The following MEI1 variants were observed in gnomAD, a reference collection of about 807,000 sequenced individuals.
MEI1 encodes the protein meiosis inhibitor protein 1.
In MEI1, 103 loss-of-function variants were observed where a neutral mutation model predicts 146.2. The ratio of observed to expected loss-of-function variants is 0.70; its 90% CI spans 0.60 to 0.83. The LOEUF (loss-of-function observed/expected upper bound fraction) is 0.83. Among genes scored for constraint, MEI1 ranks in the 40% least tolerant of loss-of-function variants. The pLI, the probability that MEI1 is intolerant of heterozygous loss-of-function variation, is 0.00. For missense variants in MEI1, 1,529 were observed against 1,533.0 expected, an observed-to-expected ratio of 1.00 and a Z score of 0.04; for synonymous variants, 652 against 628.2, an observed-to-expected ratio of 1.04 and a Z score of -0.57.
At chr22:41,742,044 G>T (rs1434408974) in intron 11 of MEI1, among the ~76,000 whole-genome samples, 2 of 151,532 alleles carry the variant, frequency 1.3e-5, no homozygotes, top group African/African-American at 4.9e-5. Context: ...TGGATAACTT[G>T]AGGTCAGGAG....
At chr22:41,705,789 C>G (rs1300009327) in intron 3 of MEI1, among the ~76,000 whole-genome samples, 1 of 150,284 alleles carries the variant, frequency 6.7e-6, no homozygotes, top group Non-Finnish European at 1.5e-5. Flanking sequence ...CTCACTGCAA[C>G]CTCTGCCTCG....
rs139196319 is a variant in MEI1, at chr22:41,784,454, C to T, written c.3169+34C>T. 833 of 1,611,194 alleles carry T rather than the reference C, an allele frequency of 5.2e-4. 1 individual carries two copies. In the African/African-American group the frequency reaches 5.3e-3, roughly 10 times the overall value. The stretch of plus-strand genomic sequence containing the variant: ...CCACAAGTCTCCAGCAGAAGAAAAG[C>T]TTTTTCCCTAGGTTTTCAGATAAGA... On this transcript the variant is annotated intron_variant, in intron 25 of 30. Coordinates refer to ENST00000401548, the MANE Select transcript of MEI1 (RefSeq NM_152513.4).
At chr22:41,716,203 C>A in intron 5 of MEI1, 57 bp downstream of exon 5, 3 of 1,209,562 alleles carry the variant, frequency 2.5e-6, no homozygotes, top group Non-Finnish European at 3.6e-6. Context: ...TATCATACTG[C>A]CATTTGGGTG....
chr22:41,740,245 C>T (rs1055587983), intron 11 of MEI1, among the ~76,000 whole-genome samples: 19 of 152,176 alleles, frequency 1.2e-4, no homozygotes, highest in Non-Finnish European at 2.4e-4. Flanking sequence ...GTATCGAATT[C>T]CTGACCTTGT....
At position 41,770,732 on chromosome 22, in the gene MEI1, T is replaced by C; in HGVS notation, c.2315T>C (p.Leu772Pro). The C allele has an allele frequency of 6.2e-7, 1 of 1,613,936 alleles. No individual in the cohort carries two copies. Among genetic ancestry groups the C allele is most frequent in the South Asian group, 1.1e-5 (1 of 91,064 alleles). ...AAATTCCTAGAAGGCATCCCAGACC[T>C]GCAGCTAGTCTATACTCACCATCCG... ...IRKFLEGIPD[L>P]QLVYTHHPLL... Residue 772 changes from leucine to proline, a missense_variant, in exon 20 of 31, where the codon CTG becomes CCG. Around this residue, in one of 3 missense-constraint regions of MEI1, gnomAD observed 1,212 missense variants for 1,178.9 expected, o/e 1.03. Transcript: ENST00000401548.
intron 15 of MEI1, among the ~76,000 whole-genome samples, chr22:41,749,362 G>A (rs1007044496): frequency 3.3e-5 from 5 of 151,566 alleles, no homozygotes; most frequent in Admixed American, 1.3e-4. Flanking sequence ...CGCAACCTCC[G>A]CCTCCCGGGT....
chr22:41,747,925 T>C (rs2073450975), intron 14 of MEI1, among the ~76,000 whole-genome samples, 182 bp from the exon 15 acceptor site: 1 of 152,180 alleles, frequency 6.6e-6, no homozygotes, highest in Admixed American at 6.6e-5. Flanking sequence ...AGAGATAAAG[T>C]ATCTAGTACA....
chr22:41,784,348 A>G lies in MEI1; in HGVS notation c.3097A>G (p.Thr1033Ala). 6.2e-7 allele frequency: 1 copy of G among 1,613,796 alleles called. No homozygotes were observed. Among genetic ancestry groups the G allele is most frequent in the Non-Finnish European group, 8.5e-7 (1 of 1,179,864 alleles). Residue 1033 changes from threonine to alanine, a missense_variant, in exon 25 of 31, where the codon ACA becomes GCA. Physicochemically the swap from Thr to Ala is moderately conservative, Grantham distance 58 (BLOSUM62 0). Around this residue, in one of 3 missense-constraint regions of MEI1, gnomAD observed 313 missense variants for 337.3 expected, o/e 0.93. Transcript: ENST00000401548. ...QHKGSLQVHQTLSVEMDQVLK... is the reference protein window; with the variant it reads ...QHKGSLQVHQALSVEMDQVLK... Reference sequence around the variant, plus strand: ...CCCTGTGCCCTGCCAGGTTCACCAGACACTCTCTGTGGAAATGGACCAAGT... The same window carrying G: ...CCCTGTGCCCTGCCAGGTTCACCAGGCACTCTCTGTGGAAATGGACCAAGT...
intron 11 of MEI1, among the ~76,000 whole-genome samples, chr22:41,742,101 AG>A (rs2072925695): frequency 6.6e-6 from 1 of 151,604 alleles, no homozygotes; most frequent in Non-Finnish European, 1.5e-5. Flanking sequence ...CTCTACTAAA[AG>A]TACAAAACTT....
At chr22:41,755,307 G>C (rs1006466966) in intron 17 of MEI1, among the ~76,000 whole-genome samples, 1 of 152,022 alleles carries the variant, frequency 6.6e-6, no homozygotes, top group African/African-American at 2.4e-5. Context: ...TGAAGATTCT[G>C]TGTCCTCTCC....
chr22:41,732,789 T>C (rs1021450841), intron 11 of MEI1, among the ~76,000 whole-genome samples, 186 bp downstream of exon 11: 3 of 151,580 alleles, frequency 2.0e-5, no homozygotes, highest in South Asian at 2.1e-4. Flanking sequence ...TTTTTTTTTT[T>C]TTTTTTTGGA....
At chr22:41,700,354 G>A (rs544084352) in intron 1 of MEI1, among the ~76,000 whole-genome samples, 2 of 152,166 alleles carry the variant, frequency 1.3e-5, no homozygotes, top group African/African-American at 2.4e-5. Flanking sequence ...GTTTCGAGAC[G>A]GAGTCTCGCT....
Position 41,732,516 on chromosome 22 carries a change from A to G in MEI1, c.1244A>G (p.Asp415Gly). Residue 415 changes from aspartate (D) to glycine (G), a missense_variant, in exon 11 of 31, where the codon GAT becomes GGT. By Grantham distance (94) the Asp-to-Gly change is moderately conservative. Transcript: ENST00000401548. ...TTCACAAGCTCAGCCATGTGCAGAGATGCTGGCCGTGCCCTCCAAGAAGCA... is the reference window on the plus strand; with the variant it reads ...TTCACAAGCTCAGCCATGTGCAGAGGTGCTGGCCGTGCCCTCCAAGAAGCA... ...KLFTSSAMCRDAGRALQEAVS... is the reference protein window; with the variant it reads ...KLFTSSAMCRGAGRALQEAVS... 1 of 1,613,880 alleles carries G rather than the reference A, an allele frequency of 6.2e-7. No homozygotes were observed. The highest frequency in any genetic ancestry group is 8.5e-7 in the Non-Finnish European group (1 of 1,179,866).
At chr22:41,778,953 T>C in intron 22 of MEI1, 141 bp downstream of exon 22, 2 of 628,444 alleles carry the variant, frequency 3.2e-6, no homozygotes, top group Non-Finnish European at 5.5e-6. Flanking sequence ...TCCCTAGGGT[T>C]TTCTTGCTAA....
At chr22:41,779,254 C>T (rs1373681463) in intron 22 of MEI1, among the ~76,000 whole-genome samples, 1 of 152,082 alleles carries the variant, frequency 6.6e-6, no homozygotes, top group African/African-American at 2.4e-5. Flanking sequence ...CAAGACCAGC[C>T]TTGGCAACAT....
At chr22:41,725,512 T>C (rs1329724233) in intron 7 of MEI1, among the ~76,000 whole-genome samples, 1 of 152,196 alleles carries the variant, frequency 6.6e-6, no homozygotes, top group Non-Finnish European at 1.5e-5. Flanking sequence ...GCTTTAGGGA[T>C]CAGATTCTGA....
chr22:41,770,178 C>A (rs1353525389), intron 19 of MEI1, among the ~76,000 whole-genome samples: 1 of 152,032 alleles, frequency 6.6e-6, no homozygotes, highest in Non-Finnish European at 1.5e-5. Flanking sequence ...CCCTTCACCC[C>A]TTCTGTGCCA....
intron 18 of MEI1, 121 bp downstream of exon 18, chr22:41,758,654 A>G: frequency 9.7e-7 from 1 of 1,030,270 alleles, no homozygotes; most frequent in Non-Finnish European, 1.4e-6. Flanking sequence ...GGGGATAAGT[A>G]AGAAATGGGT....
At chr22:41,780,773 C>T (rs1272969054) in intron 22 of MEI1, among the ~76,000 whole-genome samples, 2 of 151,836 alleles carry the variant, frequency 1.3e-5, no homozygotes, top group East Asian at 1.9e-4. Context: ...TGTGGAGAGA[C>T]GGGGTCTCAC....
Sources: allele counts gnomAD v4.1 joint callset (sites outside exome capture counted in the v4.1 genomes callset), GRCh38; gene constraint gnomAD v4.1.1; regional missense constraint gnomAD v4.1.1; transcripts MANE v1.5; gene names NCBI Gene and HGNC (gene_info 2026-07-23, HGNC 2026-07-21).